UBQLN1: variants seen among roughly 807,000 people sequenced by gnomAD.
UBQLN1 encodes ubiquilin-1.
In UBQLN1, 13 loss-of-function variants were observed where a neutral mutation model predicts 65.4. That is an observed-to-expected ratio of 0.20 (90% CI 0.13 to 0.32). The LOEUF is 0.32. Among genes scored for constraint, UBQLN1 ranks in the 10% least tolerant of loss-of-function variants. The pLI is 1.00. For missense variants in UBQLN1, 561 were observed against 724.0 expected (o/e 0.77, Z 2.58); for synonymous variants, 267 against 247.8 (o/e 1.08, Z -0.73).
intron 1 of UBQLN1, among the ~76,000 whole-genome samples, chr9:83,702,176 C>T (rs967716014): frequency 6.6e-6 from 1 of 152,080 alleles, no homozygotes; most frequent in Admixed American, 6.6e-5. Flanking sequence ...AGGGCAACTG[C>T]TAAAGGGTAC....
chr9:83,690,189 A>T (rs1430662266), intron 1 of UBQLN1, among the ~76,000 whole-genome samples: 2 of 152,238 alleles, frequency 1.3e-5, no homozygotes, highest in African/African-American at 2.4e-5. Context: ...CAAAAACTGC[A>T]AACAATCCAA....
At position 83,673,714 on chromosome 9, in the gene UBQLN1, A is replaced by G. The variant is rs568162921; in HGVS notation, c.1105+4013T>C. On this transcript the variant is annotated intron_variant, in intron 6 of 10. Coordinates refer to ENST00000376395, the MANE Select transcript of UBQLN1 (RefSeq NM_013438.5). ...CCATTTTATTGGAACAGTCATTCTC[A>G]CTTATTGTCTATGGGTGTTTTGCAC... Among the ~76,000 whole-genome samples the G allele has an allele frequency of 9.7e-4, 148 of 152,128 alleles. 1 individual carries two copies. Among genetic ancestry groups the G allele is most frequent in the Non-Finnish European group, 1.4e-3 (97 of 68,030 alleles).
intron 2 of UBQLN1, among the ~76,000 whole-genome samples, chr9:83,683,523 T>C (rs1831985562): frequency 6.6e-6 from 1 of 150,814 alleles, no homozygotes; most frequent in South Asian, 2.1e-4. Context: ...CTGAGAAAAC[T>C]AAGCATTAGG....
intron 1 of UBQLN1, among the ~76,000 whole-genome samples, chr9:83,704,537 G>T (rs545047825): frequency 6.6e-6 from 1 of 152,058 alleles, no homozygotes; most frequent in Non-Finnish European, 1.5e-5. Flanking sequence ...TTAACAATTC[G>T]TACTGGGCCG....
At chr9:83,668,528 C>G in intron 7 of UBQLN1, 1 of 985,380 alleles carries the variant, frequency 1.0e-6, no homozygotes, top group Non-Finnish European at 1.2e-6. Flanking sequence ...ATCTCAAAAT[C>G]TCTAAGGATG....
intron 9 of UBQLN1, among the ~76,000 whole-genome samples, chr9:83,664,679 T>C (rs1831614090): frequency 1.3e-5 from 2 of 151,880 alleles, no homozygotes; most frequent in Admixed American, 1.3e-4. Flanking sequence ...GGAGGCCAAA[T>C]CTCTTGAGCC....
At chr9:83,674,402 A>G (rs1564162898) in intron 6 of UBQLN1, among the ~76,000 whole-genome samples, 3 of 152,182 alleles carry the variant, frequency 2.0e-5, no homozygotes, top group Non-Finnish European at 4.4e-5. Context: ...ACTCACAGAA[A>G]AGCAATGGTC....
At chr9:83,673,572 A>AAC (rs1831775805) in intron 6 of UBQLN1, among the ~76,000 whole-genome samples, 1 of 93,546 alleles carries the variant, frequency 1.1e-5, no homozygotes, top group Non-Finnish European at 2.2e-5. Context: ...AAAAAACAAA[A>AAC]AAAAAAAACT....
In UBQLN1 at chr9:83,660,587, A is replaced by G. The variant is rs1192377037; in HGVS notation, c.*1200T>C. Reference sequence around the variant, plus strand: ...GAATGATACTTCTTTACTACACTATATGCACAGAAATCCTAACAGAATCTT... The same window carrying G: ...GAATGATACTTCTTTACTACACTATGTGCACAGAAATCCTAACAGAATCTT... On this transcript the variant is annotated 3_prime_UTR_variant, in exon 11 of 11. Transcript: ENST00000376395. 6.6e-6 allele frequency: 1 copy of G among 152,162 alleles called. No individual in the cohort carries two copies. Among genetic ancestry groups the G allele is most frequent in the African/African-American group, 2.4e-5 (1 of 41,428 alleles). The allele number at this position is 152,162 out of a possible 1,614,324, so 9.4% of individuals were successfully genotyped here. A position where few individuals can be genotyped will look rare whatever the true frequency, so the allele number is the denominator to read the frequency against.
At chr9:83,669,025 C>A in intron 7 of UBQLN1, 160 bp downstream of exon 7, 1 of 796,930 alleles carries the variant, frequency 1.3e-6, no homozygotes, top group Non-Finnish European at 1.8e-6. Context: ...TAATTTACTG[C>A]AAAGAAACAC....
At chr9:83,668,209 C>A in intron 7 of UBQLN1, 2 of 985,126 alleles carry the variant, frequency 2.0e-6, no homozygotes, top group Non-Finnish European at 2.4e-6. Flanking sequence ...TCCAATTCCA[C>A]AAATTTGGTG....
At chr9:83,696,181 G>A (rs576817159) in intron 1 of UBQLN1, among the ~76,000 whole-genome samples, 79 of 152,076 alleles carry the variant, frequency 5.2e-4, no homozygotes, top group Admixed American at 9.8e-4. Flanking sequence ...CTCATAATCC[G>A]CCTGCCATCA....
rs1831883118 is a variant in UBQLN1, at chr9:83,678,609, A to G, written c.712-10T>C. ...TGGCAAGTTCCAACGTCTACGAAAA[A>G]TATTTCCAAAAAAAGAAAAAAAAAA... On this transcript the variant is annotated splice_polypyrimidine_tract_variant and intron_variant, in intron 4 of 10. Coordinates refer to ENST00000376395, the MANE Select transcript of UBQLN1 (RefSeq NM_013438.5). The G allele has an allele frequency of 1.3e-6, 2 of 1,584,754 alleles. No homozygotes were observed. The highest frequency in any genetic ancestry group is 1.2e-5 in the South Asian group (1 of 85,124).
chr9:83,678,001 T>A (rs577632330), intron 5 of UBQLN1, 40 bp from the exon 6 acceptor site: 1 of 1,490,196 alleles, frequency 6.7e-7, no homozygotes, highest in South Asian at 1.3e-5. Context: ...GAATAAGCTT[T>A]TGTTTTAAAT....
chr9:83,664,759 A>G (rs137966338), intron 9 of UBQLN1, among the ~76,000 whole-genome samples: 218 of 150,998 alleles, frequency 1.4e-3, no homozygotes, highest in Non-Finnish European at 2.3e-3. Flanking sequence ...ACAACAAATT[A>G]TATATATAAA....
intron 6 of UBQLN1, among the ~76,000 whole-genome samples, chr9:83,673,985 G>A (rs1831783632): frequency 6.6e-6 from 1 of 151,986 alleles, no homozygotes; most frequent in Non-Finnish European, 1.5e-5. Flanking sequence ...TCTTTGTACA[G>A]GTGAGGTTTC....
At chr9:83,671,122 C>T (rs1007507020) in intron 6 of UBQLN1, among the ~76,000 whole-genome samples, 1 of 152,200 alleles carries the variant, frequency 6.6e-6, no homozygotes, top group Non-Finnish European at 1.5e-5. Flanking sequence ...TGAGCCAACA[C>T]ACCTGGCAGG....
intron 1 of UBQLN1, among the ~76,000 whole-genome samples, chr9:83,692,636 T>C (rs1001624531): frequency 6.6e-6 from 1 of 152,186 alleles, no homozygotes; most frequent in Non-Finnish European, 1.5e-5. Flanking sequence ...GCGGATCACC[T>C]GAGGTCGGCA....
rs377477362 is a variant in UBQLN1, at chr9:83,669,253, T to A, written c.1180A>T (p.Met394Leu). ...ITENPQLMQNMLSAPYMRSMM... is the reference protein window; with the variant it reads ...ITENPQLMQNLLSAPYMRSMM... ...CTTCTCATGTAGGGGGCAGACAACA[T>A]GTTTTGCATCAGTTGTGGGTTTTCA... The change falls in exon 7 of 11, where the codon ATG (methionine) becomes TTG (leucine). Residue 394 changes from methionine to leucine, a missense_variant. Coordinates refer to ENST00000376395, the MANE Select transcript of UBQLN1 (RefSeq NM_013438.5). 6.2e-7 allele frequency: 1 copy of A among 1,612,810 alleles called. No homozygotes were observed. The highest frequency in any genetic ancestry group is 1.7e-5 in the Admixed American group (1 of 59,388).
Sources: gnomAD v4.1 joint callset for allele counts (sites outside exome capture counted in the v4.1 genomes callset) on GRCh38, gnomAD v4.1.1 for gene constraint, MANE v1.5 for transcripts, NCBI Gene and HGNC (gene_info 2026-07-23, HGNC 2026-07-21) for gene names.